CEP112: variants seen among roughly 807,000 people sequenced by gnomAD.
CEP112 encodes centrosomal protein 112, also known as centrosomal protein of 112 kDa.
A neutral mutation model predicts 153.0 loss-of-function variants in CEP112; 127 were observed. The ratio of observed to expected loss-of-function variants is 0.83; its 90% CI spans 0.72 to 0.96. CEP112 has a LOEUF of 0.96. Among genes scored for constraint, CEP112 ranks in the 40% least tolerant of loss-of-function variants. The probability of loss-of-function intolerance (pLI) is 0.00; values close to 1 mark genes in which losing one functional copy is unlikely to be tolerated. For missense variants in CEP112, 1,089 were observed against 1,101.2 expected (o/e 0.99, Z 0.16); for synonymous variants, 358 against 374.4 (o/e 0.96, Z 0.51).
intron 17 of CEP112, among the ~76,000 whole-genome samples, chr17:65,974,678 C>G (rs546038680): frequency 6.6e-6 from 1 of 152,234 alleles, no homozygotes; most frequent in African/African-American, 2.4e-5. Context: ...CGAGTGACTT[C>G]CAGGTTATAA....
intron 25 of CEP112, among the ~76,000 whole-genome samples, chr17:65,639,123 A>G (rs981281351): frequency 1.3e-5 from 2 of 152,158 alleles, no homozygotes; most frequent in African/African-American, 4.8e-5. Flanking sequence ...GCAAAATCGC[A>G]AACAGTAGCA....
At chr17:65,698,158 T>C (rs989482141) in intron 23 of CEP112, among the ~76,000 whole-genome samples, 1 of 152,196 alleles carries the variant, frequency 6.6e-6, no homozygotes, top group Non-Finnish European at 1.5e-5. Flanking sequence ...ACCCAATACA[T>C]ATGTTACTCT....
In CEP112 at chr17:66,096,620, G is replaced by A. The variant is rs747219039; in HGVS notation, c.655C>T (p.Arg219Ter). 19 of 1,587,248 alleles carry A rather than the reference G, an allele frequency of 1.2e-5. No individual in the cohort carries two copies. Among genetic ancestry groups the A allele is most frequent in the South Asian group, 4.6e-5 (4 of 87,292 alleles). ...GGGATAGGCTTCTGTCTCAGGTATC[G>A]AGGATTTTCTATCTGAAAATTTAAA... ...NSWNLGIENP[R>*]YLRQKPIPVS... The change falls in exon 7 of 27, where the codon CGA becomes TGA. Residue 219 changes from arginine to a stop codon, truncating the protein, a stop_gained. Transcript: ENST00000535342. LOFTEE classifies it high-confidence loss of function.
At chr17:66,149,888 G>GTTTTTTTTTTTTTTTTTTTTTTTTT (rs71160535) in intron 4 of CEP112, among the ~76,000 whole-genome samples, 7 of 54,710 alleles carry the variant, frequency 1.3e-4, no homozygotes, top group South Asian at 1.1e-3. Context: ...TTGTTTGTTT[G>GTTTTTTTTTTTTTTTTTTTTTTTTT]TTTTTTTTTT....
At position 66,188,286 on chromosome 17, in the gene CEP112, AACACACACACACAC is replaced by A. The variant is rs59802008; in HGVS notation, c.-9+3697_-9+3710del. On this transcript the variant is annotated intron_variant, in intron 1 of 26. Transcript: ENST00000535342. ...GCCTGTCTCTCACACCACACACACA[AACACACACACACAC>A]ACACACACACACACACACACACACA... Among the ~76,000 whole-genome samples the A allele has an allele frequency of 2.0e-3, 216 of 109,508 alleles. 1 individual carries two copies. Among genetic ancestry groups the A allele is most frequent in the South Asian group, 5.9e-3 (20 of 3,368 alleles). The allele number at this position is 109,508 out of a possible 152,430, so 71.8% of individuals were successfully genotyped here. A position where few individuals can be genotyped will look rare whatever the true frequency, so the allele number is the denominator to read the frequency against.
intron 16 of CEP112, among the ~76,000 whole-genome samples, chr17:66,006,129 G>A (rs2064264142): frequency 6.6e-6 from 1 of 152,074 alleles, no homozygotes; most frequent in Non-Finnish European, 1.5e-5. Flanking sequence ...TATATTCCCT[G>A]AACACATAAT....
At chr17:65,891,683 A>T (rs1406447855) in intron 20 of CEP112, among the ~76,000 whole-genome samples, 2 of 152,136 alleles carry the variant, frequency 1.3e-5, no homozygotes, top group African/African-American at 4.8e-5. Flanking sequence ...TTCCCATCAC[A>T]TTTAAAATGC....
intron 18 of CEP112, among the ~76,000 whole-genome samples, chr17:65,939,977 G>A (rs2061460174): frequency 6.6e-6 from 1 of 151,590 alleles, no homozygotes; most frequent in Non-Finnish European, 1.5e-5. Flanking sequence ...GAAAATATCT[G>A]CAAACCATAC....
At chr17:65,640,280 A>T (rs2045058726) in intron 25 of CEP112, among the ~76,000 whole-genome samples, 1 of 149,872 alleles carries the variant, frequency 6.7e-6, no homozygotes, top group South Asian at 2.1e-4. Flanking sequence ...CAGCCTTCCA[A>T]GTAGTTGGGA....
intron 21 of CEP112, among the ~76,000 whole-genome samples, chr17:65,794,771 C>T (rs1048317721): frequency 5.9e-5 from 9 of 152,184 alleles, no homozygotes; most frequent in African/African-American, 2.2e-4. Context: ...AGTCAGGAAT[C>T]GCACCTGCGG....
chr17:65,641,700 C>T (rs575645437), intron 24 of CEP112, among the ~76,000 whole-genome samples: 76 of 152,202 alleles, frequency 5.0e-4, no homozygotes, highest in African/African-American at 1.6e-3. Flanking sequence ...GAGCCAAGAT[C>T]GGGCCACTGC....
chr17:65,969,630 C>A (rs72831528), intron 17 of CEP112, among the ~76,000 whole-genome samples: 1 of 152,186 alleles, frequency 6.6e-6, no homozygotes. Flanking sequence ...ATGCACTGCA[C>A]ACATATTGCA....
At chr17:65,893,937 C>A (rs773026279) in intron 20 of CEP112, among the ~76,000 whole-genome samples, 43 of 152,020 alleles carry the variant, frequency 2.8e-4, no homozygotes, top group Non-Finnish European at 5.4e-4. Flanking sequence ...ACCATTTTGC[C>A]CATCATTTCT....
intron 18 of CEP112, among the ~76,000 whole-genome samples, chr17:65,940,674 A>G (rs1427025169): frequency 6.6e-6 from 1 of 152,176 alleles, no homozygotes; most frequent in African/African-American, 2.4e-5. Flanking sequence ...TTACAGGTAG[A>G]ATCTAAAAAA....
chr17:65,800,034 G>C (rs1485048185), intron 21 of CEP112, among the ~76,000 whole-genome samples: 2 of 152,118 alleles, frequency 1.3e-5, no homozygotes, highest in Non-Finnish European at 2.9e-5. Context: ...CATGAAATCA[G>C]TTTCTCACAT....
At position 65,635,877 on chromosome 17, in the gene CEP112, G is replaced by T. The variant is rs924910458; in HGVS notation, c.*94C>A. The T allele has an allele frequency of 7.6e-7, 1 of 1,308,076 alleles. No homozygotes were observed. Among genetic ancestry groups the T allele is most frequent in the Admixed American group, 2.1e-5 (1 of 47,526 alleles). The allele number at this position is 1,308,076 out of a possible 1,614,324, so 81.0% of individuals were successfully genotyped here. The stretch of plus-strand genomic sequence containing the variant: ...ATTTAAGGATTTAAAAAATGCCACT[G>T]ATCTCACAGTTTACAATATCCAAAT... On this transcript the variant is annotated 3_prime_UTR_variant, in exon 27 of 27. Transcript: ENST00000535342.
chr17:65,697,233 G>GACTC (rs1359710579), intron 23 of CEP112, among the ~76,000 whole-genome samples: 1 of 152,200 alleles, frequency 6.6e-6, no homozygotes, highest in Admixed American at 6.5e-5. Context: ...CCTTCAGACA[G>GACTC]ACGTGATGCC....
intron 9 of CEP112, among the ~76,000 whole-genome samples, chr17:66,069,538 A>C (rs1283828521): frequency 6.6e-6 from 1 of 152,104 alleles, no homozygotes; most frequent in African/African-American, 2.4e-5. Context: ...AATTACCAGA[A>C]AACCAAAAGA....
At chr17:66,100,041 A>T (rs147592756) in intron 6 of CEP112, among the ~76,000 whole-genome samples, 146 of 152,302 alleles carry the variant, frequency 9.6e-4, no homozygotes, top group Admixed American at 1.6e-3. Flanking sequence ...AAAGATGTTA[A>T]ATAGGAGGTG....
Sources: allele counts gnomAD v4.1 joint callset (sites outside exome capture counted in the v4.1 genomes callset), GRCh38; gene constraint gnomAD v4.1.1; transcripts MANE v1.5; gene names NCBI Gene and HGNC (gene_info 2026-07-23, HGNC 2026-07-21).